Variants in GBE1 observed in about 807,000 individuals in gnomAD.
GBE1 encodes 1,4-alpha-glucan-branching enzyme.
GBE1 carries 70 observed loss-of-function variants against 88.8 expected under a neutral mutation model. That is an observed-to-expected ratio of 0.79 (90% CI 0.65 to 0.96). The LOEUF (loss-of-function observed/expected upper bound fraction) is 0.96, where lower values mean the gene tolerates loss of function less well. Among genes scored for constraint, GBE1 ranks in the 40% least tolerant of loss-of-function variants. GBE1 has a pLI of 0.00. For missense variants in GBE1, 872 were observed against 871.0 expected, an observed-to-expected ratio of 1.00 and a Z score of -0.01; for synonymous variants, 284 against 300.1, an observed-to-expected ratio of 0.95 and a Z score of 0.56.
rs780472628 is a variant in GBE1 at position 81,591,167 on chromosome 3, TAGAAAA to T, written c.1109-9_1109-4del. On this transcript the variant is annotated splice_region_variant and splice_polypyrimidine_tract_variant and intron_variant, in intron 8 of 15. Coordinates refer to ENST00000429644, the MANE Select transcript of GBE1 (RefSeq NM_000158.4). ...GTAATCACCTGAGAAACCTTGACCT[TAGAAAA>T]AGAAAATCAATACGGATATATTATG... 1.3e-6 allele frequency: 2 copies of T among 1,592,370 alleles called. No homozygotes were observed. Among genetic ancestry groups the T allele is most frequent in the South Asian group, 2.3e-5 (2 of 87,772 alleles).
At chr3:81,575,036 G>A (rs1703626377) in intron 12 of GBE1, among the ~76,000 whole-genome samples, 2 of 151,758 alleles carry the variant, frequency 1.3e-5, no homozygotes, top group South Asian at 4.2e-4. Flanking sequence ...GTGGTGGCGG[G>A]CACCTGTAGT....
chr3:81,650,378 A>G (rs1205551167), intron 3 of GBE1: 1 of 161,232 alleles, frequency 6.2e-6, no homozygotes, highest in African/African-American at 2.4e-5. Context: ...AAAGAAGAAA[A>G]ACAGGTTTGA....
At position 81,526,572 on chromosome 3, in the gene GBE1, A is replaced by T. The variant is rs548837527; in HGVS notation, c.1934+8623T>A. ...AAAATCACAAGCATTCTTATACAAC[A>T]ATAACAGACAAACAGAGAGCCAAAT... On this transcript the variant is annotated intron_variant, in intron 14 of 15. Transcript: ENST00000429644. Among the ~76,000 whole-genome samples, 1,024 of 152,220 alleles carry T rather than the reference A, an allele frequency of 6.7e-3. 13 individuals are homozygous for T. The highest frequency in any genetic ancestry group is 5.3e-3 in the Non-Finnish European group (361 of 67,994).
chr3:81,658,195 C>A, intron 3 of GBE1, among the ~76,000 whole-genome samples: 1 of 151,684 alleles, frequency 6.6e-6, no homozygotes, highest in East Asian at 1.9e-4. Flanking sequence ...GTTTCTCTAA[C>A]AAAAATAAAT....
chr3:81,657,134 C>CAA lies in GBE1; in HGVS notation c.430-7215_430-7214dup, dbSNP rs796897811. On this transcript the variant is annotated intron_variant, in intron 3 of 15. Transcript: ENST00000429644. ...CCACGCCACTGCACTCCAGCCGTCTCAAAAAAAAAAAAAACAAAACAAAAA... is the reference window on the plus strand; with the variant it reads ...CCACGCCACTGCACTCCAGCCGTCTCAAAAAAAAAAAAAAAACAAAACAAAAA... Among the ~76,000 whole-genome samples the CAA allele has an allele frequency of 9.0e-3, 737 of 81,706 alleles. 20 individuals carry two copies. Among genetic ancestry groups the CAA allele is most frequent in the African/African-American group, 0.025 (597 of 24,182 alleles). The allele number at this position is 81,706 out of a possible 152,430, so 53.6% of individuals were successfully genotyped here. A position where few individuals can be genotyped will look rare whatever the true frequency, so the allele number is the denominator to read the frequency against.
Position 81,499,855 on chromosome 3 carries a change from T to C in GBE1, c.1935-628A>G, listed in dbSNP as rs7651103. 7.9e-3 allele frequency among the ~76,000 whole-genome samples: 1,208 copies of C among 152,308 alleles called. 14 individuals are homozygous for C. Among genetic ancestry groups the C allele is most frequent in the African/African-American group, 0.027 (1,103 of 41,590 alleles). Reference sequence around the variant, plus strand: ...GCAAAATTAATAAAAGCTATCATTATGTTCAAATTTATTAGGCTCAAAATG... The same window carrying C: ...GCAAAATTAATAAAAGCTATCATTACGTTCAAATTTATTAGGCTCAAAATG... On this transcript the variant is annotated intron_variant, in intron 14 of 15. Coordinates refer to ENST00000429644, the MANE Select transcript of GBE1 (RefSeq NM_000158.4).
At chr3:81,505,193 T>C (rs542725097) in intron 14 of GBE1, among the ~76,000 whole-genome samples, 3 of 152,190 alleles carry the variant, frequency 2.0e-5, no homozygotes, top group Non-Finnish European at 4.4e-5. Context: ...TTATTTTATA[T>C]TTAATTCTTT....
At chr3:81,507,335 C>T (rs1446079422) in intron 14 of GBE1, among the ~76,000 whole-genome samples, 9 of 152,086 alleles carry the variant, frequency 5.9e-5, no homozygotes, top group East Asian at 5.8e-4. Context: ...GAGGCCGAGG[C>T]GGGCAGATCA....
intron 12 of GBE1, among the ~76,000 whole-genome samples, chr3:81,560,851 T>C (rs1157745646): frequency 6.6e-6 from 1 of 152,036 alleles, no homozygotes; most frequent in Non-Finnish European, 1.5e-5. Context: ...GTATAGTCTT[T>C]TTTTGTTAAT....
chr3:81,757,253 G>A (rs1706615738), intron 1 of GBE1, among the ~76,000 whole-genome samples: 1 of 152,172 alleles, frequency 6.6e-6, no homozygotes, highest in Non-Finnish European at 1.5e-5. Context: ...GGTACCGAGA[G>A]GGAGGCTGAA....
chr3:81,675,238 C>A (rs1705236292), intron 2 of GBE1, among the ~76,000 whole-genome samples: 1 of 151,932 alleles, frequency 6.6e-6, no homozygotes, highest in Non-Finnish European at 1.5e-5. Flanking sequence ...AAAAGGCTAT[C>A]AAATAATATA....
chr3:81,562,917 C>T (rs528806745), intron 12 of GBE1, among the ~76,000 whole-genome samples: 50 of 150,864 alleles, frequency 3.3e-4, no homozygotes, highest in Non-Finnish European at 6.0e-4. Context: ...GAAGTAAGGA[C>T]TCAGGTAATA....
intron 14 of GBE1, among the ~76,000 whole-genome samples, chr3:81,523,434 C>G (rs1164579656): frequency 6.6e-6 from 1 of 151,406 alleles, no homozygotes; most frequent in Non-Finnish European, 1.5e-5. Flanking sequence ...ATGTAATAAT[C>G]ACATCAGGGT....
chr3:81,581,358 T>C (rs1703728767), intron 10 of GBE1, 83 bp from the exon 11 acceptor site: 2 of 759,210 alleles, frequency 2.6e-6, no homozygotes, highest in Non-Finnish European at 4.3e-6. Flanking sequence ...TTATGCATTA[T>C]ATCAGTGCAA....
At position 81,593,989 on chromosome 3, in the gene GBE1, T is replaced by G; in HGVS notation, c.1027A>C (p.Arg343=). ...AAGCGATATTCTTCCAACCACCATC[T>G]TATGTTTGACAGAAGGAATCTTAAA... ...EILRFLLSNI[R]WWLEEYRFDG... Residue 343 remains arginine, a synonymous_variant, in exon 8 of 16, where the codon AGA becomes CGA. Transcript: ENST00000429644. The G allele has an allele frequency of 6.3e-7, 1 of 1,578,812 alleles. No homozygotes were observed. The highest frequency in any genetic ancestry group is 8.6e-7 in the Non-Finnish European group (1 of 1,159,392).
intron 1 of GBE1, among the ~76,000 whole-genome samples, chr3:81,736,963 G>T (rs139584417): frequency 2.6e-5 from 4 of 152,196 alleles, no homozygotes; most frequent in East Asian, 3.9e-4. Flanking sequence ...AAAGAGGATG[G>T]AGTAGTAGAA....
intron 3 of GBE1, 134 bp from the exon 4 acceptor site, chr3:81,650,055 A>G: frequency 1.7e-6 from 1 of 605,400 alleles, no homozygotes. Flanking sequence ...CAGATGTGTG[A>G]CCTTCAGGAA....
At position 81,582,972 on chromosome 3, in the gene GBE1, C is replaced by A. The variant is rs1006333436; in HGVS notation, c.1336-1697G>T. 2.2e-4 allele frequency among the ~76,000 whole-genome samples: 34 copies of A among 152,080 alleles called. 1 individual carries two copies. Among genetic ancestry groups the A allele is most frequent in the Middle Eastern group, 3.4e-3 (1 of 294 alleles). ...CAGACTAGGAGAAAAAAATTGTCAA[C>A]CATGTATCCGGCAAAGAAGTTGAAT... On this transcript the variant is annotated intron_variant, in intron 10 of 15. Coordinates refer to ENST00000429644, the MANE Select transcript of GBE1 (RefSeq NM_000158.4).
intron 12 of GBE1, among the ~76,000 whole-genome samples, chr3:81,540,784 T>C (rs1703133258): frequency 6.6e-6 from 1 of 152,060 alleles, no homozygotes; most frequent in Non-Finnish European, 1.5e-5. Flanking sequence ...CACAGACTGA[T>C]TGGGTAAATC....
Sources: gnomAD v4.1 joint callset for allele counts (sites outside exome capture counted in the v4.1 genomes callset) on GRCh38, gnomAD v4.1.1 for gene constraint, MANE v1.5 for transcripts, NCBI Gene and HGNC (gene_info 2026-07-23, HGNC 2026-07-21) for gene names.